EYS: variants seen among roughly 807,000 people sequenced by gnomAD.
EYS encodes protein eyes shut homolog.
Under a neutral mutation model 282.1 loss-of-function variants are expected in EYS, and 250 were observed. That is an observed-to-expected ratio of 0.89 (90% CI 0.80 to 0.98). The LOEUF (loss-of-function observed/expected upper bound fraction) is 0.98, where lower values mean the gene tolerates loss of function less well. EYS is among the 50% of genes least tolerant of loss of function. EYS has a pLI of 0.00. For missense variants in EYS, 4,016 were observed against 3,709.0 expected (o/e 1.08, Z -2.15); for synonymous variants, 1,355 against 1,282.9 (o/e 1.06, Z -1.20).
intron 34 of EYS, among the ~76,000 whole-genome samples, chr6:63,994,924 C>A (rs1346881255): frequency 8.6e-5 from 13 of 151,526 alleles, no homozygotes; most frequent in African/African-American, 4.8e-5. Context: ...ACCATAAAAC[C>A]CCTAGAGGAA....
At chr6:64,404,602 A>G (rs1773648604) in intron 28 of EYS, among the ~76,000 whole-genome samples, 1 of 152,350 alleles carries the variant, frequency 6.6e-6, no homozygotes, top group South Asian at 2.1e-4. Flanking sequence ...CAAGATTAAC[A>G]AAACAGCATT....
At chr6:64,802,205 T>G (rs978949938) in intron 22 of EYS, among the ~76,000 whole-genome samples, 6 of 151,560 alleles carry the variant, frequency 4.0e-5, no homozygotes, top group African/African-American at 1.2e-4. Flanking sequence ...GGCTAATATT[T>G]TTTATTTTTA....
intron 2 of EYS, among the ~76,000 whole-genome samples, chr6:65,591,641 A>C (rs1765237595): frequency 6.6e-6 from 1 of 151,846 alleles, no homozygotes; most frequent in Non-Finnish European, 1.5e-5. Flanking sequence ...CTTTTGTTAT[A>C]TTCACCCACA....
At chr6:64,558,379 A>G (rs900231587) in intron 26 of EYS, among the ~76,000 whole-genome samples, 2 of 152,114 alleles carry the variant, frequency 1.3e-5, no homozygotes, top group Non-Finnish European at 2.9e-5. Flanking sequence ...TGCTACTGGC[A>G]TCTAGAGCAA....
At chr6:65,219,400 T>C (rs1293531438) in intron 12 of EYS, among the ~76,000 whole-genome samples, 1 of 152,114 alleles carries the variant, frequency 6.6e-6, no homozygotes, top group Non-Finnish European at 1.5e-5. Context: ...ATCTTGGTGA[T>C]TAAAATATAG....
chr6:65,330,786 C>T lies in EYS; in HGVS notation c.1766+4194G>A, dbSNP rs1403770364. Reference sequence around the variant, plus strand: ...CAAAGATATTTTTCTACATTTCTTTCATTTATATCGTCATTTTACCTTAAA... The same window carrying T: ...CAAAGATATTTTTCTACATTTCTTTTATTTATATCGTCATTTTACCTTAAA... On this transcript the variant is annotated intron_variant, in intron 11 of 42. Transcript: ENST00000503581. 4.2e-6 allele frequency: 4 copies of T among 962,488 alleles called. No homozygotes were observed. In the African/African-American group the frequency reaches 7.1e-5, roughly 17 times the overall value. The allele number at this position is 962,488 out of a possible 1,614,324, so 59.6% of individuals were successfully genotyped here.
chr6:63,759,107 A>G (rs989604671), intron 41 of EYS, among the ~76,000 whole-genome samples: 2 of 152,130 alleles, frequency 1.3e-5, no homozygotes, highest in African/African-American at 4.8e-5. Flanking sequence ...ATGGAAATGA[A>G]AAAAGAACTT....
intron 22 of EYS, among the ~76,000 whole-genome samples, chr6:64,762,434 A>T (rs1773188214): frequency 6.6e-6 from 1 of 152,214 alleles, no homozygotes; most frequent in African/African-American, 2.4e-5. Context: ...AACTTGGAGC[A>T]AATATCAGTT....
At chr6:65,651,380 A>G (rs550411447) in intron 1 of EYS, among the ~76,000 whole-genome samples, 183 of 152,170 alleles carry the variant, frequency 1.2e-3, no homozygotes, top group Middle Eastern at 3.4e-3. Context: ...AATTTTAGAA[A>G]GAAACTTCGG....
chr6:65,072,473 G>A (rs544370859), intron 12 of EYS, among the ~76,000 whole-genome samples: 7 of 151,636 alleles, frequency 4.6e-5, no homozygotes, highest in Non-Finnish European at 8.9e-5. Flanking sequence ...GTGAAAATAA[G>A]CAAAAGAAAT....
intron 36 of EYS, among the ~76,000 whole-genome samples, chr6:63,814,646 T>C (rs61079290): frequency 0.082 from 12,479 of 152,278 alleles, 568 homozygotes; most frequent in East Asian, 0.16. Context: ...GCATTCTTTT[T>C]AGATGCATAA....
chr6:65,668,554 G>GT (rs1399095323), intron 1 of EYS, among the ~76,000 whole-genome samples: 1 of 151,842 alleles, frequency 6.6e-6, no homozygotes, highest in East Asian at 1.9e-4. Context: ...AAAAAAATAT[G>GT]TATTATCTGC....
chr6:64,032,163 A>C (rs1582170073), intron 33 of EYS, among the ~76,000 whole-genome samples: 1 of 152,092 alleles, frequency 6.6e-6, no homozygotes, highest in South Asian at 2.1e-4. Flanking sequence ...TTCACTCCTG[A>C]GGCGGCGAGA....
At chr6:64,566,572 T>A (rs1392957985) in intron 26 of EYS, among the ~76,000 whole-genome samples, 1 of 152,102 alleles carries the variant, frequency 6.6e-6, no homozygotes, top group Admixed American at 6.6e-5. Flanking sequence ...GCACTACACA[T>A]TTATCTAATA....
rs568190357 is a variant in EYS at position 64,904,226 on chromosome 6, A to G, written c.2642-1726T>C. ...GGGGCTAGCAGACCAGGTAGTCTTC[A>G]GGACAAGCAATATTTTTAATTTGCC... is the stretch of plus-strand genomic sequence containing the variant. On this transcript the variant is annotated intron_variant, in intron 16 of 42. Coordinates refer to ENST00000503581, the MANE Select transcript of EYS (RefSeq NM_001142800.2). 2.0e-5 allele frequency among the ~76,000 whole-genome samples: 3 copies of G among 152,342 alleles called. No homozygotes were observed. In the South Asian group the frequency reaches 6.2e-4, roughly 32 times the overall value.
At chr6:65,685,796 T>C (rs1227284458) in intron 1 of EYS, among the ~76,000 whole-genome samples, 2 of 152,104 alleles carry the variant, frequency 1.3e-5, no homozygotes, top group African/African-American at 2.4e-5. Flanking sequence ...GAATGAGTCA[T>C]TCACATTCTA....
chr6:64,302,127 G>C (rs372666296), intron 30 of EYS, among the ~76,000 whole-genome samples: 1 of 152,088 alleles, frequency 6.6e-6, no homozygotes, highest in African/African-American at 2.4e-5. Context: ...CTCACTGCCC[G>C]GTTTATTGGC....
At chr6:64,834,967 A>G (rs1212748450) in intron 19 of EYS, among the ~76,000 whole-genome samples, 1 of 151,770 alleles carries the variant, frequency 6.6e-6, no homozygotes, top group Non-Finnish European at 1.5e-5. Flanking sequence ...GCTTTGAAGT[A>G]ACATCTTCTG....
chr6:64,425,708 G>A (rs2150455703), intron 28 of EYS, among the ~76,000 whole-genome samples: 1 of 150,806 alleles, frequency 6.6e-6, no homozygotes, highest in South Asian at 2.1e-4. Flanking sequence ...GGTTTCAGAG[G>A]TGACAGAGAA....
Sources: allele counts gnomAD v4.1 joint callset (sites outside exome capture counted in the v4.1 genomes callset), GRCh38; gene constraint gnomAD v4.1.1; transcripts MANE v1.5; gene names NCBI Gene and HGNC (gene_info 2026-07-23, HGNC 2026-07-21).